The following WDFY3 variants were observed in gnomAD, a reference collection of about 807,000 sequenced individuals.
WDFY3 encodes WD repeat and FYVE domain containing 3.
WDFY3 carries 66 observed loss-of-function variants against 409.6 expected under a neutral mutation model. The observed-to-expected ratio is 0.16, with a 90% CI of 0.13 to 0.20. The LOEUF is 0.20. Ranked by LOEUF, WDFY3 falls within the 10% of genes least tolerant of loss-of-function variation. The probability of loss-of-function intolerance (pLI) is 1.00; values close to 1 mark genes in which losing one functional copy is unlikely to be tolerated. For synonymous variants in WDFY3, 1,521 were observed against 1,537.1 expected (o/e 0.99, Z 0.25); for missense variants, 3,031 against 4,298.1 (o/e 0.71, Z 8.24).
intron 30 of WDFY3, among the ~76,000 whole-genome samples, chr4:84,768,023 C>CA (rs920828943): frequency 6.6e-6 from 1 of 152,238 alleles, no homozygotes; most frequent in Admixed American, 6.5e-5. Context: ...GCCGAGGCTG[C>CA]AGTGAGCCAT....
chr4:84,833,153 C>T (rs1352750446), intron 7 of WDFY3, among the ~76,000 whole-genome samples: 1 of 152,036 alleles, frequency 6.6e-6, no homozygotes, highest in African/African-American at 2.4e-5. Context: ...AGAGCACACA[C>T]CATTAAGAGC....
At chr4:84,761,987 A>G (rs1400445066) in intron 32 of WDFY3, among the ~76,000 whole-genome samples, 10 of 152,112 alleles carry the variant, frequency 6.6e-5, no homozygotes, top group Non-Finnish European at 1.3e-4. Context: ...GGACGTGGAG[A>G]AATAGGAACA....
intron 48 of WDFY3, among the ~76,000 whole-genome samples, chr4:84,717,786 C>A (rs183432517): frequency 6.6e-6 from 1 of 152,094 alleles, no homozygotes; most frequent in Admixed American, 6.6e-5. Flanking sequence ...GTATTCTTCA[C>A]GCCTGTAATC....
At chr4:84,878,479 G>A (rs1308068563) in intron 3 of WDFY3, among the ~76,000 whole-genome samples, 1 of 152,110 alleles carries the variant, frequency 6.6e-6, no homozygotes, top group Non-Finnish European at 1.5e-5. Flanking sequence ...TAAAATAGAT[G>A]TTGGCTTCTT....
chr4:84,839,441 A>T (rs1578758479), intron 6 of WDFY3, among the ~76,000 whole-genome samples: 1 of 152,232 alleles, frequency 6.6e-6, no homozygotes, highest in African/African-American at 2.4e-5. Context: ...ACTTACAATA[A>T]CCAACCCTCT....
At chr4:84,849,776 G>C in intron 5 of WDFY3, 126 bp downstream of exon 5, 1 of 1,309,598 alleles carries the variant, frequency 7.6e-7, no homozygotes, top group Non-Finnish European at 1.0e-6. Context: ...GAAAGGGAAA[G>C]GGAATGGGTA....
rs145412132 is a variant in WDFY3 at position 84,740,131 on chromosome 4, G to T, written c.6464+56C>A. ...ACTATCAAAAAAAATAAAGAATTTTGTTGGAATAACATCAAAGCCAAATTT... is the reference window on the plus strand; with the variant it reads ...ACTATCAAAAAAAATAAAGAATTTTTTTGGAATAACATCAAAGCCAAATTT... On this transcript the variant is annotated intron_variant, in intron 39 of 67. Coordinates refer to ENST00000295888, the MANE Select transcript of WDFY3 (RefSeq NM_014991.6). The T allele has an allele frequency of 3.8e-4, 587 of 1,531,798 alleles. 2 individuals are homozygous for T. In the African/African-American group the frequency reaches 7.2e-3, roughly 19 times the overall value. 94.9% of individuals were successfully genotyped at this position (1,531,798 alleles called of 1,614,324 possible).
chr4:84,824,531 T>C (rs923493135), intron 10 of WDFY3, among the ~76,000 whole-genome samples: 1 of 152,172 alleles, frequency 6.6e-6, no homozygotes, highest in Non-Finnish European at 1.5e-5. Context: ...ATGATTACAG[T>C]GTATTAAGTT....
At chr4:84,674,630 G>A (rs1016942762) in intron 67 of WDFY3, among the ~76,000 whole-genome samples, 1 of 151,826 alleles carries the variant, frequency 6.6e-6, no homozygotes, top group Non-Finnish European at 1.5e-5. Flanking sequence ...AGCACTTTGG[G>A]AGGCCAAGGT....
intron 1 of WDFY3, among the ~76,000 whole-genome samples, chr4:84,960,913 A>T (rs1774831232): frequency 1.3e-5 from 2 of 152,188 alleles, no homozygotes; most frequent in African/African-American, 4.8e-5. Flanking sequence ...CTTTGTCCAC[A>T]CTAAAACTAC....
At chr4:84,829,294 T>C (rs1755318648) in intron 8 of WDFY3, 104 bp from the exon 9 acceptor site, 1 of 947,484 alleles carries the variant, frequency 1.1e-6, no homozygotes, top group Non-Finnish European at 1.5e-6. Flanking sequence ...TTTTAACATA[T>C]CTGTAAAATA....
chr4:84,776,803 T>C lies in WDFY3; in HGVS notation c.4519-1665A>G, dbSNP rs191140508. On this transcript the variant is annotated intron_variant, in intron 27 of 67. Transcript: ENST00000295888. ...GAACTTTGAATACTAGGCTGAGAAA[T>C]GTGTACTTTATAGTGTAGAAAAGGA... Among the ~76,000 whole-genome samples the C allele has an allele frequency of 8.0e-4, 122 of 152,216 alleles. 2 individuals are homozygous for C. The highest frequency in any genetic ancestry group is 2.7e-3 in the African/African-American group (114 of 41,570).
intron 3 of WDFY3, among the ~76,000 whole-genome samples, chr4:84,891,782 TTTG>T (rs1311023083): frequency 6.6e-6 from 1 of 152,184 alleles, no homozygotes; most frequent in Admixed American, 6.6e-5. Flanking sequence ...AACTCTACTT[TTTG>T]TTTTTAGGGA....
At chr4:84,905,891 A>G (rs906621731) in intron 2 of WDFY3, among the ~76,000 whole-genome samples, 1 of 151,926 alleles carries the variant, frequency 6.6e-6, no homozygotes, top group African/African-American at 2.4e-5. Flanking sequence ...AACTCCTTCA[A>G]TTTTCAGCTT....
Position 84,787,729 on chromosome 4 carries a change from A to G in WDFY3, c.3670-16T>C. 2 of 1,593,206 alleles carry G rather than the reference A, an allele frequency of 1.3e-6. No homozygotes were observed. Among genetic ancestry groups the G allele is most frequent in the Non-Finnish European group, 1.7e-6 (2 of 1,162,530 alleles). On this transcript the variant is annotated splice_polypyrimidine_tract_variant and intron_variant, in intron 22 of 67. Coordinates refer to ENST00000295888, the MANE Select transcript of WDFY3 (RefSeq NM_014991.6). ...CATAATGAAGCTGTAAGGAAGACAA[A>G]AGCAAATGTGTGAGATGTGAACACT...
At chr4:84,826,158 T>C (rs1754834463) in intron 10 of WDFY3, among the ~76,000 whole-genome samples, 1 of 151,728 alleles carries the variant, frequency 6.6e-6, no homozygotes, top group African/African-American at 2.4e-5. Context: ...CAATCACAGA[T>C]GGAAAGTATT....
At chr4:84,935,826 A>G (rs972118993) in intron 1 of WDFY3, among the ~76,000 whole-genome samples, 1 of 152,218 alleles carries the variant, frequency 6.6e-6, no homozygotes, top group Non-Finnish European at 1.5e-5. Flanking sequence ...ATTTTAATAT[A>G]AACTCAGCCA....
At position 84,852,464 on chromosome 4, in the gene WDFY3, T is replaced by C. The variant is rs1578821019; in HGVS notation, c.181-2439A>G. 3.9e-5 allele frequency among the ~76,000 whole-genome samples: 6 copies of C among 152,208 alleles called. No individual in the cohort carries two copies. The East Asian group carries it at 1.2e-3, about 29-fold the overall frequency. On this transcript the variant is annotated intron_variant, in intron 4 of 67. Coordinates refer to ENST00000295888, the MANE Select transcript of WDFY3 (RefSeq NM_014991.6). ...TAAAAGAATATAACAAACAATGTAA[T>C]ATCCTTCTAATAGAAAATGTGTTTC...
rs750124872 is a variant in WDFY3, at chr4:84,778,508, A to G, written c.4513T>C (p.Phe1505Leu). The change falls in exon 27 of 68, where the codon TTT becomes CTT. Residue 1505 changes from phenylalanine to leucine, a missense_variant. By Grantham distance (22) the Phe-to-Leu change is conservative (BLOSUM62 0). This residue lies in a region of WDFY3 where 55 missense variants were observed against 124.1 expected (regional missense o/e 0.44). Transcript: ENST00000295888. ...STAFQDLLCD[F>L]EVWLHAPYEL... The stretch of plus-strand genomic sequence containing the variant: ...AATTATGCTTATATACATACTTCAA[A>G]ATCACAGAGGAGGTCCTGGAAAGCA... The G allele has an allele frequency of 1.8e-5, 29 of 1,598,044 alleles. No individual in the cohort carries two copies. In the East Asian group the frequency reaches 6.3e-4, roughly 35 times the overall value.
Sources: allele counts gnomAD v4.1 joint callset (sites outside exome capture counted in the v4.1 genomes callset), GRCh38; gene constraint gnomAD v4.1.1; regional missense constraint gnomAD v4.1.1; transcripts MANE v1.5; gene names NCBI Gene and HGNC (gene_info 2026-07-23, HGNC 2026-07-21).